The following SAMD4A variants were observed in gnomAD, a reference collection of about 807,000 sequenced individuals.
SAMD4A encodes the protein protein Smaug homolog 1.
A neutral mutation model predicts 81.3 loss-of-function variants in SAMD4A; 33 were observed. The observed-to-expected ratio is 0.41, with a 90% CI of 0.31 to 0.54. SAMD4A has a LOEUF of 0.54. SAMD4A is among the 20% of genes least tolerant of loss of function. The pLI is 0.37. For synonymous variants in SAMD4A, 389 were observed against 382.1 expected (o/e 1.02, Z -0.21); for missense variants, 854 against 951.1 (o/e 0.90, Z 1.34).
At chr14:54,719,024 A>AG (rs1566602088) in intron 3 of SAMD4A, among the ~76,000 whole-genome samples, 1 of 152,018 alleles carries the variant, frequency 6.6e-6, no homozygotes, top group East Asian at 1.9e-4. Flanking sequence ...AAGAAAAAAA[A>AG]GAATCCTGAC....
chr14:54,567,808 A>G lies in SAMD4A; in HGVS notation c.-109A>G. The G allele has an allele frequency of 1.7e-6, 2 of 1,207,824 alleles. No homozygotes were observed. The highest frequency in any genetic ancestry group is 2.3e-6 in the Non-Finnish European group (2 of 871,190). 74.8% of individuals were successfully genotyped at this position (1,207,824 alleles called of 1,614,324 possible). On this transcript the variant is annotated 5_prime_UTR_variant, in exon 2 of 13. Coordinates refer to ENST00000554335, the MANE Select transcript of SAMD4A (RefSeq NM_015589.6). The stretch of plus-strand genomic sequence containing the variant: ...GTCCGGGCACCAGAGCCACCTTGGA[A>G]CAGGAACGCGTCTCCGGCCGCGGGG...
At chr14:54,578,757 A>G (rs1054535647) in intron 2 of SAMD4A, among the ~76,000 whole-genome samples, 3 of 152,118 alleles carry the variant, frequency 2.0e-5, no homozygotes, top group Non-Finnish European at 4.4e-5. Context: ...TTTCCAGTGT[A>G]TTCCTCCTGC....
rs192727011 is a variant in SAMD4A, at chr14:54,660,248, G to A, written c.197-41814G>A. Among the ~76,000 whole-genome samples the A allele has an allele frequency of 6.5e-3, 993 of 152,260 alleles. 6 individuals carry two copies. The highest frequency in any genetic ancestry group is 9.9e-3 in the Non-Finnish European group (673 of 68,016). On this transcript the variant is annotated intron_variant, in intron 2 of 12. Transcript: ENST00000554335. ...ATCCTCATAGGAACATGGGAAGTAG[G>A]CATTATTTTTATTTTCTCCATATTT... is the stretch of plus-strand genomic sequence containing the variant.
chr14:54,753,340 G>A (rs893466203), intron 6 of SAMD4A, among the ~76,000 whole-genome samples: 290 of 152,386 alleles, frequency 1.9e-3, no homozygotes, highest in Non-Finnish European at 3.4e-3. Flanking sequence ...AGAGAATGGC[G>A]ATGACTTTTA....
At chr14:54,750,600 T>C (rs1043976782) in intron 5 of SAMD4A, among the ~76,000 whole-genome samples, 24 of 152,208 alleles carry the variant, frequency 1.6e-4, no homozygotes. Context: ...CTATTCTAGT[T>C]TTCCTTAGAG....
At chr14:54,788,884 C>T in intron 12 of SAMD4A, 32 bp from the exon 13 acceptor site, 1 of 1,614,174 alleles carries the variant, frequency 6.2e-7, no homozygotes, top group South Asian at 1.1e-5. Flanking sequence ...TTTTGCTCAC[C>T]TGTGCCCATC....
At chr14:54,648,803 C>A (rs991804383) in intron 2 of SAMD4A, among the ~76,000 whole-genome samples, 3 of 152,002 alleles carry the variant, frequency 2.0e-5, no homozygotes, top group African/African-American at 4.8e-5. Context: ...CTTCATTGAC[C>A]CTTGAAAATG....
In SAMD4A at chr14:54,762,011, G is replaced by A. The variant is rs556275507; in HGVS notation, c.1510+1517G>A. Among the ~76,000 whole-genome samples, 9 of 152,240 alleles carry A rather than the reference G, an allele frequency of 5.9e-5. No individual in the cohort carries two copies. In the South Asian group the frequency reaches 6.2e-4, roughly 11 times the overall value. ...TACAGTAGATGCCTCATAAGTAGGC[G>A]GTGCAAAAATTGAGGGATGACACCA... On this transcript the variant is annotated intron_variant, in intron 7 of 12. Coordinates refer to ENST00000554335, the MANE Select transcript of SAMD4A (RefSeq NM_015589.6).
chr14:54,780,909 GC>G (rs2038983846), intron 11 of SAMD4A, among the ~76,000 whole-genome samples: 1 of 151,918 alleles, frequency 6.6e-6, no homozygotes, highest in Admixed American at 6.6e-5. Context: ...CTTGCCTGCT[GC>G]CCCACCCCTC....
intron 3 of SAMD4A, among the ~76,000 whole-genome samples, chr14:54,716,142 A>T (rs1458621121): frequency 6.6e-6 from 1 of 152,216 alleles, no homozygotes; most frequent in African/African-American, 2.4e-5. Context: ...GTCTTATTCA[A>T]GTACCAATAA....
chr14:54,760,077 G>A (rs1186080893), intron 6 of SAMD4A, 84 bp from the exon 7 acceptor site: 1 of 1,395,664 alleles, frequency 7.2e-7, no homozygotes, highest in Non-Finnish European at 9.8e-7. Context: ...TCCTGTAAGA[G>A]CTCAGGGCAG....
At chr14:54,755,481 G>C (rs893173480) in intron 6 of SAMD4A, among the ~76,000 whole-genome samples, 1 of 152,150 alleles carries the variant, frequency 6.6e-6, no homozygotes, top group South Asian at 2.1e-4. Flanking sequence ...GAGGAGCACC[G>C]TAAGATATGG....
At chr14:54,763,913 A>G (rs1315140529) in intron 7 of SAMD4A, among the ~76,000 whole-genome samples, 1 of 152,022 alleles carries the variant, frequency 6.6e-6, no homozygotes, top group Non-Finnish European at 1.5e-5. Context: ...TGTGCATATC[A>G]CTCTGAGAAA....
intron 11 of SAMD4A, among the ~76,000 whole-genome samples, chr14:54,783,171 A>C (rs893196676): frequency 7.9e-5 from 12 of 151,926 alleles, no homozygotes; most frequent in Non-Finnish European, 4.4e-5. Flanking sequence ...AAAAAAAAAA[A>C]AAACAAAAAG....
intron 3 of SAMD4A, among the ~76,000 whole-genome samples, chr14:54,734,155 A>G (rs1018133810): frequency 6.6e-6 from 1 of 152,172 alleles, no homozygotes; most frequent in African/African-American, 2.4e-5. Flanking sequence ...GGCACCTGTC[A>G]CCTGTTTTAA....
At chr14:54,775,948 G>A (rs576347059) in intron 10 of SAMD4A, among the ~76,000 whole-genome samples, 91 of 148,374 alleles carry the variant, frequency 6.1e-4, no homozygotes, top group Non-Finnish European at 1.1e-3. Flanking sequence ...GCTGAGTTGT[G>A]CCAGCTCATT....
At chr14:54,747,577 C>T (rs1162206689) in intron 4 of SAMD4A, among the ~76,000 whole-genome samples, 3 of 152,284 alleles carry the variant, frequency 2.0e-5, no homozygotes, top group Admixed American at 6.5e-5. Flanking sequence ...ATCCTGTAAT[C>T]GACATGATTG....
At chr14:54,723,281 GA>G (rs2037309580) in intron 3 of SAMD4A, among the ~76,000 whole-genome samples, 1 of 152,054 alleles carries the variant, frequency 6.6e-6, no homozygotes, top group African/African-American at 2.4e-5. Context: ...AAGCCCAAAT[GA>G]AAAAGAGATG....
At chr14:54,736,053 C>T (rs1228210707) in intron 3 of SAMD4A, among the ~76,000 whole-genome samples, 1 of 152,174 alleles carries the variant, frequency 6.6e-6, no homozygotes, top group African/African-American at 2.4e-5. Context: ...TATGAATAGA[C>T]TTATTTTGTA....
Sources: gnomAD v4.1 joint callset for allele counts (sites outside exome capture counted in the v4.1 genomes callset) on GRCh38, gnomAD v4.1.1 for gene constraint, MANE v1.5 for transcripts, NCBI Gene and HGNC (gene_info 2026-07-23, HGNC 2026-07-21) for gene names.